The following KCNB2 variants were observed in gnomAD, a reference collection of about 807,000 sequenced individuals.
KCNB2 encodes the protein delayed rectifier potassium channel protein.
A neutral mutation model predicts 61.5 loss-of-function variants in KCNB2; 15 were observed. The ratio of observed to expected loss-of-function variants is 0.24; its 90% CI spans 0.16 to 0.38. KCNB2 has a LOEUF of 0.38. Ranked by LOEUF, KCNB2 falls within the 10% of genes least tolerant of loss-of-function variation. The pLI is 1.00. For synonymous variants in KCNB2, 457 were observed against 446.0 expected (o/e 1.02, Z -0.31); for missense variants, 828 against 1,125.2 (o/e 0.74, Z 3.78).
intron 2 of KCNB2, among the ~76,000 whole-genome samples, chr8:72,588,376 G>A (rs915815257): frequency 1.1e-4 from 16 of 151,792 alleles, no homozygotes; most frequent in East Asian, 5.8e-4. Flanking sequence ...GCACCACCAC[G>A]CCGGCTAATT....
At chr8:72,820,148 C>A (rs1460966492) in intron 2 of KCNB2, among the ~76,000 whole-genome samples, 6 of 152,140 alleles carry the variant, frequency 3.9e-5, no homozygotes, top group Non-Finnish European at 7.3e-5. Flanking sequence ...TGAGCAGCAC[C>A]AAGCCTGAGG....
intron 2 of KCNB2, among the ~76,000 whole-genome samples, chr8:72,922,294 C>A (rs903170361): frequency 6.6e-6 from 1 of 152,104 alleles, no homozygotes; most frequent in African/African-American, 2.4e-5. Context: ...TTGAATATGA[C>A]CTCATCATAA....
intron 2 of KCNB2, among the ~76,000 whole-genome samples, chr8:72,868,964 T>A (rs1805575576): frequency 6.6e-6 from 1 of 152,126 alleles, no homozygotes; most frequent in East Asian, 1.9e-4. Flanking sequence ...TCCTCATTTA[T>A]CAAAATCAGA....
chr8:72,779,714 C>A (rs1255505938), intron 2 of KCNB2, among the ~76,000 whole-genome samples: 1 of 152,060 alleles, frequency 6.6e-6, no homozygotes, highest in African/African-American at 2.4e-5. Context: ...TAGAAAATTA[C>A]TGATAAATGA....
chr8:72,590,386 A>C (rs1272769687), intron 2 of KCNB2, among the ~76,000 whole-genome samples: 2 of 152,136 alleles, frequency 1.3e-5, no homozygotes, highest in African/African-American at 4.8e-5. Context: ...TCTCTGAAAG[A>C]ACATTGGAAT....
chr8:72,651,820 A>C (rs967798141), intron 2 of KCNB2, among the ~76,000 whole-genome samples: 12 of 152,204 alleles, frequency 7.9e-5, no homozygotes, highest in African/African-American at 2.9e-4. Flanking sequence ...TTAACCCCTA[A>C]TTTAGTATAT....
chr8:72,788,526 C>T (rs1233302887), intron 2 of KCNB2, among the ~76,000 whole-genome samples: 2 of 152,074 alleles, frequency 1.3e-5, no homozygotes, highest in African/African-American at 4.8e-5. Flanking sequence ...AGGGCTTCAA[C>T]ATATTATTTT....
chr8:72,929,848 G>A (rs1225045977), intron 2 of KCNB2, among the ~76,000 whole-genome samples: 1 of 151,708 alleles, frequency 6.6e-6, no homozygotes, highest in African/African-American at 2.4e-5. Context: ...GGTGCACAAA[G>A]TGCAGCTTTG....
intron 1 of KCNB2, among the ~76,000 whole-genome samples, chr8:72,547,855 G>C (rs893664896): frequency 6.6e-6 from 1 of 152,222 alleles, no homozygotes; most frequent in African/African-American, 2.4e-5. Context: ...CAAAGTGCTA[G>C]TGTGGGTAAA....
intron 2 of KCNB2, among the ~76,000 whole-genome samples, chr8:72,703,801 A>G (rs1256942148): frequency 6.6e-6 from 1 of 152,222 alleles, no homozygotes; most frequent in Non-Finnish European, 1.5e-5. Context: ...AAGTCATTGA[A>G]TGCCATAAAA....
chr8:72,792,661 T>A (rs1440344), intron 2 of KCNB2, among the ~76,000 whole-genome samples: 15,312 of 152,178 alleles, frequency 0.1, 1,048 homozygotes, highest in East Asian at 0.39. Context: ...TCCAGGCATA[T>A]ATATATTTTT....
At chr8:72,843,994 T>G (rs1585926406) in intron 2 of KCNB2, among the ~76,000 whole-genome samples, 1 of 152,206 alleles carries the variant, frequency 6.6e-6, no homozygotes, top group East Asian at 1.9e-4. Context: ...GCTAGCTAGT[T>G]ATTTTGCCCA....
chr8:72,746,133 A>G (rs1044437391), intron 2 of KCNB2, among the ~76,000 whole-genome samples: 5 of 152,160 alleles, frequency 3.3e-5, no homozygotes, highest in African/African-American at 1.2e-4. Flanking sequence ...GATTTAAGGC[A>G]TCATTATAAA....
chr8:72,690,790 A>G (rs1488874966), intron 2 of KCNB2, among the ~76,000 whole-genome samples: 1 of 152,228 alleles, frequency 6.6e-6, no homozygotes, highest in Non-Finnish European at 1.5e-5. Flanking sequence ...AGCATGTAGA[A>G]CTGTCTTTTC....
chr8:72,824,942 T>C (rs899697874), intron 2 of KCNB2, among the ~76,000 whole-genome samples: 50 of 152,322 alleles, frequency 3.3e-4, no homozygotes, highest in Admixed American at 2.7e-3. Flanking sequence ...AGTGTACAGT[T>C]TTTGGCATTA....
At chr8:72,608,666 A>G (rs1805491576) in intron 2 of KCNB2, among the ~76,000 whole-genome samples, 1 of 152,188 alleles carries the variant, frequency 6.6e-6, no homozygotes, top group Non-Finnish European at 1.5e-5. Context: ...GGAGAGGGCC[A>G]TCAAAGGAAA....
At chr8:72,776,168 G>T (rs1242034361) in intron 2 of KCNB2, among the ~76,000 whole-genome samples, 4 of 149,076 alleles carry the variant, frequency 2.7e-5, no homozygotes, top group Non-Finnish European at 1.5e-5. Flanking sequence ...ACCAAACACC[G>T]CATGTTCTCA....
intron 2 of KCNB2, among the ~76,000 whole-genome samples, chr8:72,874,184 C>T (rs1805665452): frequency 6.6e-6 from 1 of 152,188 alleles, no homozygotes; most frequent in South Asian, 2.1e-4. Flanking sequence ...TTGAGTAAGA[C>T]ATCATTCTAA....
At chr8:72,759,084 C>T (rs1322560835) in intron 2 of KCNB2, among the ~76,000 whole-genome samples, 1 of 151,990 alleles carries the variant, frequency 6.6e-6, no homozygotes, top group African/African-American at 2.4e-5. Flanking sequence ...ATGTTGGGGC[C>T]ACGGGGATAG....
Sources: allele counts gnomAD v4.1 joint callset (sites outside exome capture counted in the v4.1 genomes callset), GRCh38; gene constraint gnomAD v4.1.1; transcripts MANE v1.5; gene names NCBI Gene and HGNC (gene_info 2026-07-23, HGNC 2026-07-21).